The following JMJD1C variants were observed in gnomAD, a reference collection of about 807,000 sequenced individuals.
JMJD1C encodes jumonji domain containing 1C.
A neutral mutation model predicts 245.3 loss-of-function variants in JMJD1C; 31 were observed. The ratio of observed to expected loss-of-function variants is 0.13; its 90% CI spans 0.09 to 0.17. The LOEUF (loss-of-function observed/expected upper bound fraction) is 0.17, where lower values mean the gene tolerates loss of function less well. JMJD1C is among the 10% of genes least tolerant of loss of function. The pLI is 1.00. For missense variants in JMJD1C, 2,691 were observed against 3,000.2 expected (o/e 0.90, Z 2.41); for synonymous variants, 1,057 against 1,017.4 (o/e 1.04, Z -0.74).
chr10:63,506,667 T>C (rs1589837672), intron 1 of JMJD1C, among the ~76,000 whole-genome samples: 1 of 152,066 alleles, frequency 6.6e-6, no homozygotes, highest in Non-Finnish European at 1.5e-5. Flanking sequence ...AGTACAGAGT[T>C]CCCATTTACC....
At chr10:63,355,200 A>C (rs1246991639) in intron 2 of JMJD1C, among the ~76,000 whole-genome samples, 1 of 152,152 alleles carries the variant, frequency 6.6e-6, no homozygotes, top group East Asian at 1.9e-4. Flanking sequence ...ATTCATAAGA[A>C]ATTGCATTAA....
intron 2 of JMJD1C, among the ~76,000 whole-genome samples, chr10:63,289,148 C>T (rs1249634305): frequency 1.3e-5 from 2 of 151,898 alleles, no homozygotes; most frequent in South Asian, 2.1e-4. Context: ...TGGATAATAC[C>T]ATTAAATTAG....
chr10:63,430,578 G>T (rs1256225826), intron 1 of JMJD1C, among the ~76,000 whole-genome samples: 1 of 152,164 alleles, frequency 6.6e-6, no homozygotes, highest in African/African-American at 2.4e-5. Flanking sequence ...GTTGCCAAAG[G>T]GCTGGAAGTG....
rs754430380 is a variant in JMJD1C, at chr10:63,465,684, C to T, written c.-22G>A. On this transcript the variant is annotated 5_prime_UTR_variant, in exon 1 of 26. Transcript: ENST00000399262. ...CCATAGCTGTCGCTGCCGAAGCGGCCGCTGCCTCCTCCAGTGCGAGGGAAC... is the reference window on the plus strand; with the variant it reads ...CCATAGCTGTCGCTGCCGAAGCGGCTGCTGCCTCCTCCAGTGCGAGGGAAC... The T allele has an allele frequency of 5.6e-6, 9 of 1,605,786 alleles. No homozygotes were observed. Among genetic ancestry groups the T allele is most frequent in the South Asian group, 2.2e-5 (2 of 91,018 alleles).
At chr10:63,323,733 C>T (rs1344385265) in intron 2 of JMJD1C, among the ~76,000 whole-genome samples, 1 of 152,168 alleles carries the variant, frequency 6.6e-6, no homozygotes, top group Non-Finnish European at 1.5e-5. Context: ...TTCTCTCAAT[C>T]TTCAAATGTC....
At chr10:63,332,507 T>A (rs1942264613) in intron 2 of JMJD1C, among the ~76,000 whole-genome samples, 2 of 152,154 alleles carry the variant, frequency 1.3e-5, no homozygotes, top group Admixed American at 1.3e-4. Context: ...TTTAACTAAA[T>A]CAAGATGGCA....
chr10:63,507,414 C>CG (rs937195996), intron 1 of JMJD1C, among the ~76,000 whole-genome samples: 4 of 151,774 alleles, frequency 2.6e-5, no homozygotes, highest in African/African-American at 9.7e-5. Context: ...GAGGCTGAGG[C>CG]GGGGGGATCA....
intron 2 of JMJD1C, among the ~76,000 whole-genome samples, chr10:63,323,107 G>A (rs1378801085): frequency 6.6e-6 from 1 of 152,106 alleles, no homozygotes; most frequent in African/African-American, 2.4e-5. Context: ...AAGCAGCACT[G>A]GGTAAGAGTA....
intron 2 of JMJD1C, among the ~76,000 whole-genome samples, chr10:63,321,773 C>T (rs1247801442): frequency 6.6e-6 from 1 of 152,174 alleles, no homozygotes; most frequent in Non-Finnish European, 1.5e-5. Context: ...GGCACCTTTG[C>T]TTCAAAGGCG....
chr10:63,178,602 TA>T (rs1280525103), intron 22 of JMJD1C, among the ~76,000 whole-genome samples: 4 of 152,242 alleles, frequency 2.6e-5, no homozygotes, highest in Admixed American at 2.0e-4. Context: ...TTACCATGAC[TA>T]ATGAACGGCA....
At chr10:63,328,581 A>T (rs1429887892) in intron 2 of JMJD1C, among the ~76,000 whole-genome samples, 1 of 152,228 alleles carries the variant, frequency 6.6e-6, no homozygotes, top group Non-Finnish European at 1.5e-5. Context: ...CTGTTCAAAC[A>T]ACTGAAATTT....
rs1313632947 is a variant in JMJD1C, at chr10:63,222,633, TA to T, written c.448-2651del. 89 of 1,574,326 alleles carry T rather than the reference TA, an allele frequency of 5.7e-5. No individual in the cohort carries two copies. The Middle Eastern group carries it at 1.1e-3, about 20-fold the overall frequency. On this transcript the variant is annotated intron_variant, in intron 3 of 25. Coordinates refer to ENST00000399262, the MANE Select transcript of JMJD1C (RefSeq NM_032776.3). ...AACTCACATGCTGAATTTTTGGACA[TA>T]ATTAAAAGAAATAGAGATCGGTGTG... is the stretch of plus-strand genomic sequence containing the variant.
intron 1 of JMJD1C, chr10:63,382,735 G>A: frequency 2.2e-6 from 1 of 454,570 alleles, no homozygotes; most frequent in Non-Finnish European, 4.4e-6. Context: ...CTTTTGCGCT[G>A]GAAGCAGTCT....
intron 1 of JMJD1C, among the ~76,000 whole-genome samples, chr10:63,402,245 AATC>A (rs1422627833): frequency 2.0e-5 from 3 of 152,228 alleles, no homozygotes; most frequent in Admixed American, 1.3e-4. Flanking sequence ...CAATATCACA[AATC>A]ATCAGAGAAA....
chr10:63,204,066 G>T (rs745695757), intron 10 of JMJD1C: 15 of 882,814 alleles, frequency 1.7e-5, no homozygotes, highest in Non-Finnish European at 1.9e-5. Flanking sequence ...TGTGCACTAT[G>T]GTTACACCTG....
chr10:63,378,254 T>C (rs766035369), intron 2 of JMJD1C, among the ~76,000 whole-genome samples: 1 of 152,094 alleles, frequency 6.6e-6, no homozygotes, highest in African/African-American at 2.4e-5. Context: ...CAGTATTTTA[T>C]GAATACAACA....
chr10:63,500,903 A>C (rs191273446), intron 1 of JMJD1C, among the ~76,000 whole-genome samples: 204 of 152,368 alleles, frequency 1.3e-3, no homozygotes, highest in Non-Finnish European at 1.9e-3. Flanking sequence ...GCTTGGTTAA[A>C]AAACAAAAAC....
chr10:63,418,870 A>G (rs1226524551), intron 1 of JMJD1C, among the ~76,000 whole-genome samples: 7 of 152,130 alleles, frequency 4.6e-5, no homozygotes, highest in South Asian at 4.1e-4. Flanking sequence ...CGAGGTCAGG[A>G]GTTCGAGACC....
At chr10:63,217,104 T>C (rs778683333) in intron 5 of JMJD1C, 103 bp downstream of exon 5, 203 of 1,069,024 alleles carry the variant, frequency 1.9e-4, no homozygotes, top group Non-Finnish European at 2.5e-4. Flanking sequence ...CTAAAAACCC[T>C]AGAGATAAAA....
Sources: gnomAD v4.1 joint callset for allele counts (sites outside exome capture counted in the v4.1 genomes callset) on GRCh38, gnomAD v4.1.1 for gene constraint, MANE v1.5 for transcripts, NCBI Gene and HGNC (gene_info 2026-07-23, HGNC 2026-07-21) for gene names.